Variants in ACAN observed in about 807,000 individuals in gnomAD.
The protein encoded by ACAN is aggrecan core protein.
In ACAN, 47 loss-of-function variants were observed where a neutral mutation model predicts 169.1. That is an observed-to-expected ratio of 0.28 (90% CI 0.22 to 0.35). The LOEUF is 0.35. ACAN is among the 10% of genes least tolerant of loss of function. The probability of loss-of-function intolerance (pLI) is 1.00; values close to 1 mark genes in which losing one functional copy is unlikely to be tolerated. For synonymous variants in ACAN, 1,115 were observed against 1,112.2 expected (o/e 1.00, Z -0.05); for missense variants, 2,716 against 2,759.9 (o/e 0.98, Z 0.36).
intron 13 of ACAN, 27 bp downstream of exon 13, chr15:88,860,466 T>G: frequency 1.3e-6 from 2 of 1,596,592 alleles, no homozygotes; most frequent in Non-Finnish European, 1.7e-6. Context: ...CCGTGGAGAG[T>G]GAGGGCGGAG....
chr15:88,860,867 C>T (rs1897180912), intron 13 of ACAN, among the ~76,000 whole-genome samples: 2 of 152,096 alleles, frequency 1.3e-5, no homozygotes, highest in African/African-American at 4.8e-5. Context: ...TGCCTCCATG[C>T]TTGGGTCTGC....
chr15:88,852,851 G>C (rs986237236), intron 11 of ACAN, among the ~76,000 whole-genome samples: 4 of 152,204 alleles, frequency 2.6e-5, no homozygotes, highest in African/African-American at 9.7e-5. Flanking sequence ...GTGTATACCT[G>C]GTAGAGTCAG....
intron 1 of ACAN, among the ~76,000 whole-genome samples, chr15:88,811,140 G>C (rs1202119920): frequency 1.3e-5 from 2 of 152,190 alleles, no homozygotes; most frequent in South Asian, 2.1e-4. Context: ...CTTTGTAGGT[G>C]AAAAGGATCT....
chr15:88,820,102 A>C (rs1045231110), intron 1 of ACAN, among the ~76,000 whole-genome samples: 1 of 152,216 alleles, frequency 6.6e-6, no homozygotes, highest in African/African-American at 2.4e-5. Context: ...CTTATGTTCA[A>C]AATGCTGCTG....
intron 13 of ACAN, among the ~76,000 whole-genome samples, chr15:88,862,922 C>T (rs1413760315): frequency 2.0e-5 from 3 of 150,546 alleles, no homozygotes; most frequent in Non-Finnish European, 4.4e-5. Context: ...TGTTTGAACC[C>T]AGGAGGCGGA....
intron 1 of ACAN, among the ~76,000 whole-genome samples, chr15:88,813,442 C>A (rs1374617458): frequency 6.6e-6 from 1 of 152,212 alleles, no homozygotes; most frequent in East Asian, 1.9e-4. Flanking sequence ...GTCAGAATGG[C>A]CACCACCTGG....
chr15:88,839,699 G>A lies in ACAN; in HGVS notation c.455-313G>A, dbSNP rs1030953866. Among the ~76,000 whole-genome samples the A allele has an allele frequency of 1.3e-5, 2 of 152,184 alleles. No individual in the cohort carries two copies. Among genetic ancestry groups the A allele is most frequent in the African/African-American group, 2.4e-5 (1 of 41,432 alleles). ...GTGTCTGTTTCTCTTAATGCAATAT[G>A]GGGGTCTTGGAGTGATAAGAAAAAA... On this transcript the variant is annotated intron_variant, in intron 3 of 18. Transcript: ENST00000560601. The surrounding 1 kb of genome is among the most constrained non-coding windows in gnomAD (Gnocchi z 4.5).
intron 1 of ACAN, among the ~76,000 whole-genome samples, chr15:88,818,133 A>G (rs1895988839): frequency 6.6e-6 from 1 of 152,224 alleles, no homozygotes; most frequent in African/African-American, 2.4e-5. Flanking sequence ...TCTACCAGAG[A>G]CAGGAAGGGA....
In ACAN at chr15:88,839,718, G is replaced by A. The variant is rs1022220932; in HGVS notation, c.455-294G>A. 6.6e-6 allele frequency among the ~76,000 whole-genome samples: 1 copy of A among 152,144 alleles called. No individual in the cohort carries two copies. The highest frequency in any genetic ancestry group is 1.5e-5 in the Non-Finnish European group (1 of 68,006). The stretch of plus-strand genomic sequence containing the variant: ...CAATATGGGGGTCTTGGAGTGATAA[G>A]AAAAAATTATAAGGAGGCAGATTTT... On this transcript the variant is annotated intron_variant, in intron 3 of 18. Transcript: ENST00000560601. The surrounding 1 kb of genome is among the most constrained non-coding windows in gnomAD (Gnocchi z 4.5).
chr15:88,827,283 A>T (rs773981815), intron 1 of ACAN, among the ~76,000 whole-genome samples: 3 of 152,110 alleles, frequency 2.0e-5, no homozygotes, highest in Non-Finnish European at 4.4e-5. Context: ...TTTTATTTGA[A>T]CTCACATCCT....
chr15:88,862,930 G>A (rs534322989), intron 13 of ACAN, among the ~76,000 whole-genome samples: 40 of 151,528 alleles, frequency 2.6e-4, no homozygotes, highest in African/African-American at 8.5e-4. Flanking sequence ...CCCAGGAGGC[G>A]GAGGTTGCAG....
chr15:88,845,451 C>T (rs1450253060), intron 6 of ACAN, 54 bp from the exon 7 acceptor site: 4 of 1,548,304 alleles, frequency 2.6e-6, no homozygotes, highest in Admixed American at 1.8e-5. Flanking sequence ...TCCTCATCCC[C>T]CTCAAGCCGG....
In ACAN at chr15:88,849,546, C is replaced by T; in HGVS notation, c.1841C>T (p.Ala614Val). Residue 614 changes from alanine (A) to valine (V), a missense_variant, in exon 10 of 19, where the codon GCC becomes GTC. By Grantham distance (64) the Ala-to-Val change is moderately conservative (BLOSUM62 0). Transcript: ENST00000560601. The surrounding 1 kb of genome is among the most constrained non-coding windows in gnomAD (Gnocchi z 5.1). ...TLATTGQLYA[A>V]WSRGLDKCYA... ...GCCACCACGGGCCAGCTCTACGCCG[C>T]CTGGAGCCGCGGCCTGGACAAGTGC... 1 of 1,605,850 alleles carries T rather than the reference C, an allele frequency of 6.2e-7. No individual in the cohort carries two copies. The highest frequency in any genetic ancestry group is 8.5e-7 in the Non-Finnish European group (1 of 1,176,456).
chr15:88,853,298 A>G (rs1896971017), intron 11 of ACAN, among the ~76,000 whole-genome samples: 1 of 152,126 alleles, frequency 6.6e-6, no homozygotes. Flanking sequence ...GATTTGCACT[A>G]TCATTTGCTC....
In ACAN at chr15:88,855,397, C is replaced by T; in HGVS notation, c.2812C>T (p.Pro938Ser). 6.2e-7 allele frequency: 1 copy of T among 1,613,740 alleles called. No homozygotes were observed. The highest frequency in any genetic ancestry group is 8.5e-7 in the Non-Finnish European group (1 of 1,179,820). The change falls in exon 12 of 19, where the codon CCC (proline) becomes TCC (serine). Residue 938 changes from proline to serine, a missense_variant. Pro to Ser is a moderately conservative substitution (Grantham distance 74). Transcript: ENST00000560601. ...WPSTPTVGEL[P>S]SGAEILEGSA... ...CAGCACTCCTACGGTTGGTGAACTG[C>T]CCTCTGGAGCTGAGATCCTAGAGGG...
At chr15:88,831,815 G>C (rs920377238) in intron 1 of ACAN, among the ~76,000 whole-genome samples, 3 of 152,192 alleles carry the variant, frequency 2.0e-5, no homozygotes, top group South Asian at 2.1e-4. Context: ...GTGGCTCCAG[G>C]GGGTAAAGAG....
At chr15:88,808,799 C>T (rs935485412) in intron 1 of ACAN, among the ~76,000 whole-genome samples, 1 of 152,078 alleles carries the variant, frequency 6.6e-6, no homozygotes, top group African/African-American at 2.4e-5. Flanking sequence ...AGTTCATGGG[C>T]CAGGCCATGC....
At chr15:88,852,656 T>G (rs149493205) in intron 11 of ACAN, among the ~76,000 whole-genome samples, 3 of 152,350 alleles carry the variant, frequency 2.0e-5, no homozygotes, top group African/African-American at 7.2e-5. Flanking sequence ...ACAGGTTTCC[T>G]CACTGCAGAC....
intron 9 of ACAN, among the ~76,000 whole-genome samples, chr15:88,848,525 G>C (rs1483841363): frequency 6.6e-6 from 1 of 152,284 alleles, no homozygotes; most frequent in East Asian, 1.9e-4. Context: ...CCAGGAGTTC[G>C]AGACCAGCCT....
Sources: allele counts gnomAD v4.1 joint callset (sites outside exome capture counted in the v4.1 genomes callset), GRCh38; gene constraint gnomAD v4.1.1; non-coding constraint Gnocchi (gnomAD v3.1); transcripts MANE v1.5; gene names NCBI Gene and HGNC (gene_info 2026-07-23, HGNC 2026-07-21).